The following AGAP1 variants were observed in gnomAD, a reference collection of about 807,000 sequenced individuals.
AGAP1 encodes arf-GAP with GTPase, ANK repeat and PH domain-containing protein 1.
Under a neutral mutation model 105.3 loss-of-function variants are expected in AGAP1, and 29 were observed. That is an observed-to-expected ratio of 0.28 (90% CI 0.21 to 0.38). The LOEUF is 0.38. Among genes scored for constraint, AGAP1 ranks in the 10% least tolerant of loss-of-function variants. The pLI is 1.00. For missense variants in AGAP1, 998 were observed against 1,165.1 expected, an observed-to-expected ratio of 0.86 and a Z score of 2.09; for synonymous variants, 509 against 485.9, an observed-to-expected ratio of 1.05 and a Z score of -0.63.
At position 236,036,768 on chromosome 2, in the gene AGAP1, G is replaced by A. The variant is rs1439237258; in HGVS notation, c.1800+53G>A. On this transcript the variant is annotated intron_variant, in intron 14 of 17. Coordinates refer to ENST00000304032, the MANE Select transcript of AGAP1 (RefSeq NM_001037131.3). The surrounding 1 kb of genome is among the most constrained non-coding windows in gnomAD (Gnocchi z 5.7). ...GGCTGGGGCTGCTCAGGGGGAGTGC[G>A]GGCCCCAAGTAATGCCCCAGGGAGG... 7 of 1,604,578 alleles carry A rather than the reference G, an allele frequency of 4.4e-6. No homozygotes were observed. Among genetic ancestry groups the A allele is most frequent in the African/African-American group, 1.3e-5 (1 of 74,582 alleles).
chr2:236,049,151 C>T lies in AGAP1; in HGVS notation c.1984C>T (p.Arg662Ter). 6.2e-7 allele frequency: 1 copy of T among 1,614,216 alleles called. No individual in the cohort carries two copies. The highest frequency in any genetic ancestry group is 8.5e-7 in the Non-Finnish European group (1 of 1,180,048). Reference protein sequence around the residue: ...RNLGTHLSRVRSLDLDDWPVE... With the variant: ...RNLGTHLSRV ...TCTTGGCACCCACCTTTCCCGAGTC[C>T]GATCTCTGGACCTGGATGACTGGCC... Residue 662 changes from arginine (R) to a stop codon, truncating the protein, a stop_gained, in exon 16 of 18, where the codon CGA (arginine) becomes TGA (stop). Coordinates refer to ENST00000304032, the MANE Select transcript of AGAP1 (RefSeq NM_001037131.3). LOFTEE classifies it high-confidence loss of function.
At chr2:235,850,342 A>T (rs1041702887) in intron 9 of AGAP1, among the ~76,000 whole-genome samples, 1 of 152,278 alleles carries the variant, frequency 6.6e-6, no homozygotes, top group African/African-American at 2.4e-5. Context: ...CTCTCTTCCA[A>T]TCTTGCTCTA....
At position 235,884,061 on chromosome 2, in the gene AGAP1, A is replaced by T. The variant is rs186130905; in HGVS notation, c.1155+612A>T. On this transcript the variant is annotated intron_variant, in intron 10 of 17. Coordinates refer to ENST00000304032, the MANE Select transcript of AGAP1 (RefSeq NM_001037131.3). ...GACGTTCTACCCATTGATAAAATATAAAAAAATGCAGACATTCTACCCTTG... is the reference window on the plus strand; with the variant it reads ...GACGTTCTACCCATTGATAAAATATTAAAAAATGCAGACATTCTACCCTTG... Among the ~76,000 whole-genome samples the T allele has an allele frequency of 4.8e-3, 735 of 152,322 alleles. 8 individuals carry two copies. The highest frequency in any genetic ancestry group is 0.017 in the African/African-American group (697 of 41,572).
At position 235,875,456 on chromosome 2, in the gene AGAP1, A is replaced by G. The variant is rs1454077424; in HGVS notation, c.1051-7889A>G. 1.3e-5 allele frequency among the ~76,000 whole-genome samples: 2 copies of G among 152,206 alleles called. No homozygotes were observed. Among genetic ancestry groups the G allele is most frequent in the African/African-American group, 4.8e-5 (2 of 41,456 alleles). ...ATTGTCAGGGCTGAGAACCCAGCACAGGTCTGTGATGCCCACGAGGCTGTG... is the reference window on the plus strand; with the variant it reads ...ATTGTCAGGGCTGAGAACCCAGCACGGGTCTGTGATGCCCACGAGGCTGTG... On this transcript the variant is annotated intron_variant, in intron 9 of 17. Transcript: ENST00000304032. This position sits in a 1 kb window ranked among gnomAD's most constrained non-coding sequence, Gnocchi z 4.0.
At position 235,549,139 on chromosome 2, in the gene AGAP1, T is replaced by C. The variant is rs1943721866; in HGVS notation, c.163+54290T>C. ...TGACTAAATCATTCAAGCCTTCTTC[T>C]TCCTGGATTTTATACCTCCTAGTTC... On this transcript the variant is annotated intron_variant, in intron 1 of 17. Coordinates refer to ENST00000304032, the MANE Select transcript of AGAP1 (RefSeq NM_001037131.3). The surrounding 1 kb of genome is among the most constrained non-coding windows in gnomAD (Gnocchi z 4.2). Among the ~76,000 whole-genome samples the C allele has an allele frequency of 6.6e-6, 1 of 152,226 alleles. No homozygotes were observed.
At position 235,993,951 on chromosome 2, in the gene AGAP1, T is replaced by A. The variant is rs2055679614; in HGVS notation, c.1645+25328T>A. 6.6e-6 allele frequency among the ~76,000 whole-genome samples: 1 copy of A among 152,074 alleles called. No homozygotes were observed. Among genetic ancestry groups the A allele is most frequent in the Admixed American group, 6.5e-5 (1 of 15,280 alleles). On this transcript the variant is annotated intron_variant, in intron 13 of 17. Transcript: ENST00000304032. This position sits in a 1 kb window ranked among gnomAD's most constrained non-coding sequence, Gnocchi z 5.0. Reference sequence around the variant, plus strand: ...TTACTAATATGAAAACCCAGAACATTCCAGATGTCCTAGGAACACAGGTCC... The same window carrying A: ...TTACTAATATGAAAACCCAGAACATACCAGATGTCCTAGGAACACAGGTCC...
chr2:235,607,739 G>A (rs547721972), intron 1 of AGAP1, among the ~76,000 whole-genome samples: 7 of 152,306 alleles, frequency 4.6e-5, no homozygotes, highest in Non-Finnish European at 8.8e-5. Flanking sequence ...GGCCAGCCTC[G>A]AGGGCAGCCT....
intron 1 of AGAP1, among the ~76,000 whole-genome samples, chr2:235,636,390 A>G (rs1947003547): frequency 6.6e-6 from 1 of 152,172 alleles, no homozygotes; most frequent in Non-Finnish European, 1.5e-5. Flanking sequence ...TTGTGGGATC[A>G]CTGAAGTCAA....
At position 235,557,285 on chromosome 2, in the gene AGAP1, T is replaced by C. The variant is rs573048293; in HGVS notation, c.163+62436T>C. Among the ~76,000 whole-genome samples, 100 of 152,264 alleles carry C rather than the reference T, an allele frequency of 6.6e-4. 1 individual carries two copies. The highest frequency in any genetic ancestry group is 2.1e-3 in the African/African-American group (88 of 41,562). The stretch of plus-strand genomic sequence containing the variant: ...GCCATGGGGATGCTCAGAGCCCGGC[T>C]CTTTCATGGGATCACAGTTTGTTCA... On this transcript the variant is annotated intron_variant, in intron 1 of 17. Transcript: ENST00000304032. This position sits in a 1 kb window ranked among gnomAD's most constrained non-coding sequence, Gnocchi z 4.7.
chr2:235,747,062 G>T lies in AGAP1; in HGVS notation c.538+2223G>T, dbSNP rs1173285840. Among the ~76,000 whole-genome samples, 5 of 152,152 alleles carry T rather than the reference G, an allele frequency of 3.3e-5. No homozygotes were observed. The highest frequency in any genetic ancestry group is 4.4e-5 in the Non-Finnish European group (3 of 68,040). Reference sequence around the variant, plus strand: ...TTCCCAGAAGACACTCAGTGCATCCGTGGGTATGTGATAGGCATCTTAACA... The same window carrying T: ...TTCCCAGAAGACACTCAGTGCATCCTTGGGTATGTGATAGGCATCTTAACA... On this transcript the variant is annotated intron_variant, in intron 5 of 17. Coordinates refer to ENST00000304032, the MANE Select transcript of AGAP1 (RefSeq NM_001037131.3). The surrounding 1 kb of genome is among the most constrained non-coding windows in gnomAD (Gnocchi z 5.0).
rs918032536 is a variant in AGAP1 at position 236,001,617 on chromosome 2, C to G, written c.1645+32994C>G. ...AGTTAATATGGGAAGTGAGAGGACA[C>G]AGAGGCCAGGGCCGGGAGACCAGGA... is the stretch of plus-strand genomic sequence containing the variant. On this transcript the variant is annotated intron_variant, in intron 13 of 17. Transcript: ENST00000304032. This position sits in a 1 kb window ranked among gnomAD's most constrained non-coding sequence, Gnocchi z 4.7. Among the ~76,000 whole-genome samples the G allele has an allele frequency of 6.6e-6, 1 of 152,140 alleles. No individual in the cohort carries two copies. Among genetic ancestry groups the G allele is most frequent in the Non-Finnish European group, 1.5e-5 (1 of 68,042 alleles).
chr2:235,881,731 A>G (rs1455905322), intron 9 of AGAP1, among the ~76,000 whole-genome samples: 2 of 152,240 alleles, frequency 1.3e-5, no homozygotes, highest in Non-Finnish European at 2.9e-5. Context: ...AGGTAGAGCA[A>G]GGTTTGCTGG....
intron 13 of AGAP1, among the ~76,000 whole-genome samples, chr2:235,997,327 GA>G (rs2055861186): frequency 1.3e-5 from 2 of 152,192 alleles, no homozygotes; most frequent in Admixed American, 6.5e-5. Context: ...GACCTCAGGT[GA>G]TCCGCCCACC....
chr2:235,828,174 C>T (rs912197212), intron 9 of AGAP1, among the ~76,000 whole-genome samples: 5 of 152,126 alleles, frequency 3.3e-5, no homozygotes, highest in African/African-American at 1.2e-4. Flanking sequence ...TTCTTGGCTA[C>T]AGGAATTGAT....
chr2:236,105,676 G>A lies in AGAP1; in HGVS notation c.2115-14516G>A, dbSNP rs114809965. Among the ~76,000 whole-genome samples, 25 of 58,204 alleles carry A rather than the reference G, an allele frequency of 4.3e-4. No homozygotes were observed. Among genetic ancestry groups the A allele is most frequent in the Non-Finnish European group, 7.6e-4 (17 of 22,242 alleles). The allele number at this position is 58,204 out of a possible 152,430, so 38.2% of individuals were successfully genotyped here. ...GTTCACACCATTCTCCCGCGTTCAC[G>A]CCATTCTCCCGCGTTCACGCCATTC... On this transcript the variant is annotated intron_variant, in intron 16 of 17. Transcript: ENST00000304032. The surrounding 1 kb of genome is among the most constrained non-coding windows in gnomAD (Gnocchi z 4.2).
intron 1 of AGAP1, among the ~76,000 whole-genome samples, chr2:235,563,570 C>T (rs1944238550): frequency 7.6e-6 from 1 of 130,958 alleles, no homozygotes; most frequent in Non-Finnish European, 1.5e-5. Flanking sequence ...TAACTTTATC[C>T]TGTGTAAATT....
Position 235,622,436 on chromosome 2 carries a change from T to G in AGAP1, c.164-86743T>G, listed in dbSNP as rs1343632734. On this transcript the variant is annotated intron_variant, in intron 1 of 17. Transcript: ENST00000304032. The surrounding 1 kb of genome is among the most constrained non-coding windows in gnomAD (Gnocchi z 5.0). Reference sequence around the variant, plus strand: ...CCGCCCATCTCACTGGGGTGATGAATGGATCTAGACCTGGTGCCTGGACTC... The same window carrying G: ...CCGCCCATCTCACTGGGGTGATGAAGGGATCTAGACCTGGTGCCTGGACTC... Among the ~76,000 whole-genome samples the G allele has an allele frequency of 2.0e-5, 3 of 152,206 alleles. No individual in the cohort carries two copies. Among genetic ancestry groups the G allele is most frequent in the African/African-American group, 7.2e-5 (3 of 41,440 alleles).
intron 9 of AGAP1, among the ~76,000 whole-genome samples, chr2:235,810,921 C>T (rs189265788): frequency 1.3e-5 from 2 of 149,842 alleles, no homozygotes; most frequent in South Asian, 2.1e-4. Flanking sequence ...CCCGGCTCAG[C>T]GGCAAGTGGG....
rs566203300 is a variant in AGAP1, at chr2:235,594,360, G to A, written c.163+99511G>A. On this transcript the variant is annotated intron_variant, in intron 1 of 17. Coordinates refer to ENST00000304032, the MANE Select transcript of AGAP1 (RefSeq NM_001037131.3). ...AAAAACAAAATGAGGATCAGAGGTA[G>A]CGTCTCCTCCTCTGTACTCTCCTTT... 6.5e-4 allele frequency among the ~76,000 whole-genome samples: 98 copies of A among 151,918 alleles called. 2 individuals are homozygous for A. The South Asian group carries it at 0.018, about 28-fold the overall frequency.
Sources: gnomAD v4.1 joint callset for allele counts (sites outside exome capture counted in the v4.1 genomes callset) on GRCh38, gnomAD v4.1.1 for gene constraint, Gnocchi (gnomAD v3.1) non-coding constraint, MANE v1.5 for transcripts, NCBI Gene and HGNC (gene_info 2026-07-23, HGNC 2026-07-21) for gene names.